The following RHOU variants were observed in gnomAD, a reference collection of about 807,000 sequenced individuals.
RHOU encodes the protein rho-related GTP-binding protein RhoU.
Under a neutral mutation model 12.6 loss-of-function variants are expected in RHOU, and 8 were observed. The ratio of observed to expected loss-of-function variants is 0.64; its 90% CI spans 0.37 to 1.15. The LOEUF is 1.15. RHOU is among the 50% of genes most tolerant of loss of function. RHOU has a pLI of 0.01. For synonymous variants in RHOU, 161 were observed against 147.4 expected (o/e 1.09, Z -0.67); for missense variants, 258 against 347.0 (o/e 0.74, Z 2.04).
chr1:228,708,806 C>A, the RHOU span, among the ~76,000 whole-genome samples: 1 of 151,724 alleles, frequency 6.6e-6, no homozygotes, highest in Non-Finnish European at 1.5e-5. Flanking sequence ...TCACACATAA[C>A]AATATTAACT....
chr1:228,670,605 T>A, the RHOU span, among the ~76,000 whole-genome samples: 34 of 152,362 alleles, frequency 2.2e-4, no homozygotes, highest in Non-Finnish European at 2.1e-4. Context: ...CGTTCTATGA[T>A]GACTTACTTG....
At position 228,744,579 on chromosome 1, in the gene RHOU, G is replaced by A. The variant is rs1271993278; in HGVS notation, c.*839G>A. 2.6e-5 allele frequency: 4 copies of A among 152,200 alleles called. No individual in the cohort carries two copies. The highest frequency in any genetic ancestry group is 7.2e-5 in the African/African-American group (3 of 41,440). The allele number at this position is 152,200 out of a possible 1,614,324, so 9.4% of individuals were successfully genotyped here. ...CCAAACTGCCTCAATCCTAGGTAAC[G>A]AGGGCAACAGGGAGCACCTGTCTGG... On this transcript the variant is annotated 3_prime_UTR_variant, in exon 3 of 3. Coordinates refer to ENST00000366691, the MANE Select transcript of RHOU (RefSeq NM_021205.6).
intron 2 of RHOU, among the ~76,000 whole-genome samples, chr1:228,740,249 T>A (rs1334737239): frequency 6.6e-6 from 1 of 152,206 alleles, no homozygotes; most frequent in Non-Finnish European, 1.5e-5. Context: ...CATTTGTAAG[T>A]TTCAGTTTAT....
chr1:228,670,066 G>T, the RHOU span, among the ~76,000 whole-genome samples: 10 of 152,186 alleles, frequency 6.6e-5, no homozygotes, highest in Non-Finnish European at 1.3e-4. Flanking sequence ...TAAAGTTGCT[G>T]CTACTAAGAA....
chr1:228,682,315 C>G, the RHOU span, among the ~76,000 whole-genome samples: 1 of 152,142 alleles, frequency 6.6e-6, no homozygotes, highest in African/African-American at 2.4e-5. Flanking sequence ...GACTGGTCTC[C>G]CGAAGGAGTC....
chr1:228,646,794 G>A, the RHOU span, among the ~76,000 whole-genome samples: 1 of 151,960 alleles, frequency 6.6e-6, no homozygotes, highest in African/African-American at 2.4e-5. Context: ...GCACGGGTGC[G>A]CAGACGCACG....
the RHOU span, among the ~76,000 whole-genome samples, chr1:228,727,211 A>G: frequency 2.4e-4 from 36 of 152,322 alleles, no homozygotes; most frequent in Non-Finnish European, 5.0e-4. Flanking sequence ...AATGATCTCA[A>G]TCATAGCATA....
chr1:228,676,201 C>A, the RHOU span, among the ~76,000 whole-genome samples: 1 of 151,016 alleles, frequency 6.6e-6, no homozygotes, highest in African/African-American at 2.4e-5. Flanking sequence ...GAACTCTTGA[C>A]CTCAAGCAAT....
the RHOU span, among the ~76,000 whole-genome samples, chr1:228,679,824 T>C: frequency 6.6e-6 from 1 of 151,500 alleles, no homozygotes. Context: ...GGTGGGGAGA[T>C]ACAAGGAGAG....
chr1:228,685,330 C>T, the RHOU span, among the ~76,000 whole-genome samples: 4 of 152,192 alleles, frequency 2.6e-5, no homozygotes, highest in African/African-American at 7.2e-5. Flanking sequence ...CCTTATTTTA[C>T]CCAGCCTCTA....
the RHOU span, among the ~76,000 whole-genome samples, chr1:228,705,603 G>A: frequency 6.6e-6 from 1 of 152,320 alleles, no homozygotes; most frequent in East Asian, 1.9e-4. Context: ...ACTCCCTGCA[G>A]TATTGCCATT....
the RHOU span, among the ~76,000 whole-genome samples, chr1:228,727,282 A>G: frequency 1.3e-5 from 2 of 152,124 alleles, no homozygotes; most frequent in Admixed American, 1.3e-4. Flanking sequence ...AGTCCTCTTG[A>G]TGCAGTAGAC....
At chr1:228,663,977 C>T in the RHOU span, among the ~76,000 whole-genome samples, 5 of 106,660 alleles carry the variant, frequency 4.7e-5, no homozygotes. Context: ...CTCCCCTCCC[C>T]TTCCCTCCCC....
chr1:228,687,272 C>A, the RHOU span: 1 of 627,092 alleles, frequency 1.6e-6, no homozygotes, highest in African/African-American at 1.8e-5. Flanking sequence ...TCTCTCTATT[C>A]CCCAGTTCCC....
At chr1:228,736,063 G>C (rs1222372981) in intron 1 of RHOU, 59 bp downstream of exon 1, 5 of 1,526,148 alleles carry the variant, frequency 3.3e-6, no homozygotes, top group Non-Finnish European at 4.4e-6. Flanking sequence ...CCAGGGGAAG[G>C]AAGGTGGCGC....
the RHOU span, among the ~76,000 whole-genome samples, chr1:228,666,297 C>G: frequency 2.0e-5 from 3 of 152,058 alleles, no homozygotes; most frequent in Non-Finnish European, 4.4e-5. Flanking sequence ...TTTATTTTTT[C>G]CTAATTGACA....
chr1:228,668,011 T>C, the RHOU span, among the ~76,000 whole-genome samples: 1 of 152,186 alleles, frequency 6.6e-6, no homozygotes, highest in African/African-American at 2.4e-5. Context: ...GTTGCCAAGA[T>C]AGCTTTAGGA....
the RHOU span, chr1:228,650,004 A>T: frequency 2.6e-5 from 9 of 339,658 alleles, no homozygotes; most frequent in Non-Finnish European, 5.1e-5. Context: ...ATTTTTAACC[A>T]TAATTATTCT....
chr1:228,694,951 A>C, the RHOU span, among the ~76,000 whole-genome samples: 6 of 152,164 alleles, frequency 3.9e-5, no homozygotes, highest in African/African-American at 1.2e-4. Context: ...GAGGAATATA[A>C]ATGATAATGA....
Sources: allele counts gnomAD v4.1 joint callset (sites outside exome capture counted in the v4.1 genomes callset), GRCh38; gene constraint gnomAD v4.1.1; transcripts MANE v1.5; gene names NCBI Gene and HGNC (gene_info 2026-07-23, HGNC 2026-07-21).